Variants in ARHGEF3 observed in about 807,000 individuals in gnomAD.
ARHGEF3 encodes 59.8 kDA protein.
ARHGEF3 carries 28 observed loss-of-function variants against 63.2 expected under a neutral mutation model. That is an observed-to-expected ratio of 0.44 (90% CI 0.33 to 0.61). ARHGEF3 has a LOEUF of 0.61. Among genes scored for constraint, ARHGEF3 ranks in the 20% least tolerant of loss-of-function variants. The pLI is 0.03. For missense variants in ARHGEF3, 533 were observed against 659.3 expected (o/e 0.81, Z 2.10); for synonymous variants, 266 against 254.2 (o/e 1.05, Z -0.44).
chr3:56,974,703 T>A, intron 2 of ARHGEF3, among the ~76,000 whole-genome samples: 1 of 151,834 alleles, frequency 6.6e-6, no homozygotes, highest in East Asian at 1.9e-4. Flanking sequence ...TCATCGCACG[T>A]TTTCAATGGC....
intron 4 of ARHGEF3, among the ~76,000 whole-genome samples, chr3:56,849,231 T>C (rs939983106): frequency 1.5e-4 from 23 of 152,202 alleles, no homozygotes; most frequent in Non-Finnish European, 2.9e-4. Flanking sequence ...AATTAGAAGG[T>C]CTTTTACCAG....
Position 56,729,504 on chromosome 3 carries a change from T to C in ARHGEF3, c.1347A>G (p.Glu449=), listed in dbSNP as rs1348286258. 6.2e-7 allele frequency: 1 copy of C among 1,614,214 alleles called. No individual in the cohort carries two copies. Among genetic ancestry groups the C allele is most frequent in the Admixed American group, 1.7e-5 (1 of 60,018 alleles). ...QWLNCIRQAK[E]TVLCAAGQAG... ...CTTGCCCGGCAGCACACAAAACTGT[T>C]TCTTTGGCTTGACGAATACAGTTAA... Residue 449 remains glutamate, a synonymous_variant, in exon 10 of 10, where the codon GAA becomes GAG. Coordinates refer to ENST00000296315, the MANE Select transcript of ARHGEF3 (RefSeq NM_019555.3).
intron 2 of ARHGEF3, among the ~76,000 whole-genome samples, chr3:56,998,270 C>G (rs1702067226): frequency 6.6e-6 from 1 of 152,146 alleles, no homozygotes; most frequent in African/African-American, 2.4e-5. Context: ...GGAAATCAAA[C>G]AGAAAGAGGC....
intron 1 of ARHGEF3, among the ~76,000 whole-genome samples, chr3:57,056,775 T>C (rs886727066): frequency 6.6e-6 from 1 of 152,116 alleles, no homozygotes; most frequent in Non-Finnish European, 1.5e-5. Flanking sequence ...ATCTTGAACA[T>C]ATACCACAAG....
At chr3:56,774,705 G>C (rs1183985437) in intron 1 of ARHGEF3, among the ~76,000 whole-genome samples, 1 of 152,090 alleles carries the variant, frequency 6.6e-6, no homozygotes, top group Non-Finnish European at 1.5e-5. Context: ...TTCAAGACCA[G>C]CCTGGCCAAG....
At chr3:57,002,466 ATATATATATATGT>A (rs368185119) in intron 2 of ARHGEF3, among the ~76,000 whole-genome samples, 257 of 18,726 alleles carry the variant, frequency 0.014, 6 homozygotes, top group East Asian at 0.031. Flanking sequence ...TAAGCACTAT[ATATATATATATGT>A]TATATATATA....
rs1473712042 is a variant in ARHGEF3 at position 56,775,173 on chromosome 3, G to A, written c.97-1357C>T. ...TTTCAGCCATTGCTTTCAAAGTTTC[G>A]AGGGTTAAGGCAGAACTTCAGATTC... On this transcript the variant is annotated intron_variant, in intron 1 of 9. Coordinates refer to ENST00000296315, the MANE Select transcript of ARHGEF3 (RefSeq NM_019555.3). 11 of 1,520,882 alleles carry A rather than the reference G, an allele frequency of 7.2e-6. No individual in the cohort carries two copies. In the East Asian group the frequency reaches 2.0e-4, roughly 28 times the overall value. The allele number at this position is 1,520,882 out of a possible 1,614,324, so 94.2% of individuals were successfully genotyped here.
intron 2 of ARHGEF3, among the ~76,000 whole-genome samples, chr3:56,965,424 A>C (rs1203419009): frequency 6.6e-6 from 1 of 152,134 alleles, no homozygotes; most frequent in African/African-American, 2.4e-5. Flanking sequence ...AAATGAGAGA[A>C]AATGTCAGCC....
chr3:56,896,595 T>C (rs1275254709), intron 3 of ARHGEF3, among the ~76,000 whole-genome samples: 1 of 152,194 alleles, frequency 6.6e-6, no homozygotes, highest in Non-Finnish European at 1.5e-5. Context: ...TGTTCTTGAG[T>C]CTCCTTGAAT....
Position 57,069,736 on chromosome 3 carries a change from C to T in ARHGEF3, c.-28+9490G>A, listed in dbSNP as rs533766326. On this transcript the variant is annotated intron_variant, in intron 1 of 12. Transcript: ENST00000338458. The stretch of plus-strand genomic sequence containing the variant: ...CACAGCTCATTGCAGCGTCAAACAA[C>T]GGGGCTCAAGCTATCCTCCCACCTT... 1.4e-4 allele frequency among the ~76,000 whole-genome samples: 21 copies of T among 152,250 alleles called. No homozygotes were observed. In the East Asian group the frequency reaches 3.7e-3, roughly 27 times the overall value.
intron 2 of ARHGEF3, among the ~76,000 whole-genome samples, chr3:57,026,520 C>A (rs1010484729): frequency 6.6e-6 from 1 of 152,200 alleles, no homozygotes; most frequent in African/African-American, 2.4e-5. Context: ...CACACTCTCA[C>A]CTGGCAGGAA....
intron 4 of ARHGEF3, among the ~76,000 whole-genome samples, chr3:56,856,210 C>T (rs1238820034): frequency 3.3e-5 from 5 of 151,840 alleles, no homozygotes; most frequent in South Asian, 2.1e-4. Context: ...ACACGTAACT[C>T]GGGGATAAAA....
At chr3:57,069,276 C>T (rs1200051132) in intron 1 of ARHGEF3, among the ~76,000 whole-genome samples, 1 of 152,062 alleles carries the variant, frequency 6.6e-6, no homozygotes, top group East Asian at 1.9e-4. Flanking sequence ...GTAAGTTTCT[C>T]TTCTCCCAGA....
At chr3:56,793,965 A>G (rs2037218127) in intron 1 of ARHGEF3, among the ~76,000 whole-genome samples, 1 of 152,176 alleles carries the variant, frequency 6.6e-6, no homozygotes, top group African/African-American at 2.4e-5. Flanking sequence ...ACTTATTAAT[A>G]CTCAAGTTTT....
At chr3:57,068,863 A>C (rs570779039) in intron 1 of ARHGEF3, among the ~76,000 whole-genome samples, 1 of 151,898 alleles carries the variant, frequency 6.6e-6, no homozygotes, top group Non-Finnish European at 1.5e-5. Context: ...CAAAATCCCT[A>C]TGAACTGCCG....
rs575160821 is a variant in ARHGEF3, at chr3:56,820,819, T to C, written c.193-47003A>G. Among the ~76,000 whole-genome samples, 17 of 152,076 alleles carry C rather than the reference T, an allele frequency of 1.1e-4. No homozygotes were observed. In the East Asian group the frequency reaches 3.3e-3, roughly 29 times the overall value. On this transcript the variant is annotated intron_variant, in intron 4 of 12. Transcript: ENST00000338458. ...ACTTTGGACTGAATATTAGATAACA[T>C]TGAGGAATTATTGTTAATCTTGTCA...
At chr3:56,950,079 T>C (rs558209379) in intron 3 of ARHGEF3, among the ~76,000 whole-genome samples, 36 of 152,180 alleles carry the variant, frequency 2.4e-4, no homozygotes, top group African/African-American at 8.2e-4. Context: ...GCTAGCCATA[T>C]GTAGAAAGCT....
intron 3 of ARHGEF3, among the ~76,000 whole-genome samples, chr3:56,911,628 T>C (rs1361720094): frequency 6.6e-6 from 1 of 152,134 alleles, no homozygotes; most frequent in Non-Finnish European, 1.5e-5. Context: ...TCCCCTTCCA[T>C]GGCTCCTACT....
rs542361479 is a variant in ARHGEF3 at position 56,745,349 on chromosome 3, T to A, written c.726A>T (p.Leu242Phe). ...CTAGTTTGCGGCTAAAGGGGGATTCTAAACATCGCTGTAGGAAATCCTGGA... is the reference window on the plus strand; with the variant it reads ...CTAGTTTGCGGCTAAAGGGGGATTCAAAACATCGCTGTAGGAAATCCTGGA... ...HRVQDFLQRC[L>F]ESPFSRKLDL... is the part of the protein sequence containing the mutation. The change falls in exon 7 of 10, where the codon TTA becomes TTT. Residue 242 changes from leucine to phenylalanine, a missense_variant. Transcript: ENST00000296315. 6.2e-7 allele frequency: 1 copy of A among 1,614,140 alleles called. No homozygotes were observed. Among genetic ancestry groups the A allele is most frequent in the East Asian group, 2.2e-5 (1 of 44,878 alleles).
Sources: gnomAD v4.1 joint callset for allele counts (sites outside exome capture counted in the v4.1 genomes callset) on GRCh38, gnomAD v4.1.1 for gene constraint, MANE v1.5 for transcripts, NCBI Gene and HGNC (gene_info 2026-07-23, HGNC 2026-07-21) for gene names.